CDK14: variants seen among roughly 807,000 people sequenced by gnomAD.
The protein encoded by CDK14 is cyclin-dependent kinase 14.
CDK14 carries 34 observed loss-of-function variants against 60.7 expected under a neutral mutation model. The observed-to-expected ratio is 0.56, with a 90% CI of 0.43 to 0.75. The LOEUF (loss-of-function observed/expected upper bound fraction) is 0.75. Ranked by LOEUF, CDK14 falls within the 30% of genes least tolerant of loss-of-function variation. CDK14 has a pLI of 0.00. For synonymous variants in CDK14, 197 were observed against 203.7 expected, an observed-to-expected ratio of 0.97 and a Z score of 0.28; for missense variants, 482 against 564.1, an observed-to-expected ratio of 0.85 and a Z score of 1.47.
chr7:90,687,285 C>T (rs1801457423), intron 2 of CDK14, among the ~76,000 whole-genome samples: 1 of 152,010 alleles, frequency 6.6e-6, no homozygotes. Context: ...TCATCCTCAA[C>T]ATGAGTCTAT....
intron 10 of CDK14, among the ~76,000 whole-genome samples, chr7:90,990,935 G>C (rs1354156390): frequency 6.6e-6 from 1 of 152,162 alleles, no homozygotes; most frequent in African/African-American, 2.4e-5. Flanking sequence ...GACTATGGTG[G>C]TAAACCAACA....
At chr7:91,118,250 T>G in intron 14 of CDK14, 42 bp downstream of exon 14, 7 of 894,804 alleles carry the variant, frequency 7.8e-6, no homozygotes, top group Non-Finnish European at 1.3e-5. Flanking sequence ...ATTTAATGGA[T>G]ATTGAACGGA....
intron 2 of CDK14, among the ~76,000 whole-genome samples, chr7:90,612,329 C>T (rs905817391): frequency 6.6e-6 from 1 of 152,132 alleles, no homozygotes; most frequent in Non-Finnish European, 1.5e-5. Context: ...ATTCATGCAT[C>T]AAATGACGTT....
intron 11 of CDK14, among the ~76,000 whole-genome samples, chr7:91,066,593 G>A (rs905677179): frequency 6.6e-6 from 1 of 152,126 alleles, no homozygotes; most frequent in African/African-American, 2.4e-5. Context: ...ATATGCAAAT[G>A]AGTAAAATCC....
At chr7:91,112,271 G>A (rs1233220856) in intron 12 of CDK14, among the ~76,000 whole-genome samples, 1 of 151,770 alleles carries the variant, frequency 6.6e-6, no homozygotes, top group Non-Finnish European at 1.5e-5. Context: ...TCTACCTCTG[G>A]ACCTAGTTTT....
intron 2 of CDK14, among the ~76,000 whole-genome samples, chr7:90,691,905 A>G (rs562229707): frequency 1.2e-3 from 188 of 152,308 alleles, no homozygotes; most frequent in African/African-American, 4.3e-3. Flanking sequence ...TGTAATTACC[A>G]TAAGTGAGGT....
rs150495362 is a variant in CDK14, at chr7:90,721,388, A to G, written c.124-5179A>G. Among the ~76,000 whole-genome samples, 179 of 152,322 alleles carry G rather than the reference A, an allele frequency of 1.2e-3. 1 individual carries two copies. Among genetic ancestry groups the G allele is most frequent in the African/African-American group, 4.1e-3 (172 of 41,584 alleles). Reference sequence around the variant, plus strand: ...ATAGTAACTTTTCTCTTTTGAAATCATAATGAACTCATGGTCTTTCAGCAA... The same window carrying G: ...ATAGTAACTTTTCTCTTTTGAAATCGTAATGAACTCATGGTCTTTCAGCAA... On this transcript the variant is annotated intron_variant, in intron 2 of 14. Coordinates refer to ENST00000380050, the MANE Select transcript of CDK14 (RefSeq NM_001287135.2).
chr7:90,780,198 G>T (rs1198780568), intron 4 of CDK14, among the ~76,000 whole-genome samples: 1 of 152,040 alleles, frequency 6.6e-6, no homozygotes, highest in Non-Finnish European at 1.5e-5. Flanking sequence ...TTTGTTACAT[G>T]CAGTGCATCT....
At chr7:90,975,467 A>C (rs1413526459) in intron 9 of CDK14, among the ~76,000 whole-genome samples, 1 of 151,662 alleles carries the variant, frequency 6.6e-6, no homozygotes, top group African/African-American at 2.4e-5. Context: ...AACATTTATC[A>C]TTTCTTTGTG....
chr7:91,019,033 G>A (rs549784444), intron 10 of CDK14, among the ~76,000 whole-genome samples: 1 of 152,024 alleles, frequency 6.6e-6, no homozygotes, highest in Admixed American at 6.5e-5. Flanking sequence ...AATTCTGGGG[G>A]GACATAAACA....
intron 14 of CDK14, among the ~76,000 whole-genome samples, chr7:91,172,684 T>A (rs139570060): frequency 6.6e-6 from 1 of 152,170 alleles, no homozygotes; most frequent in Non-Finnish European, 1.5e-5. Flanking sequence ...TTGCTTGGGG[T>A]ACAGAACATG....
intron 14 of CDK14, among the ~76,000 whole-genome samples, chr7:91,145,866 A>G (rs1477329639): frequency 6.6e-6 from 1 of 152,152 alleles, no homozygotes; most frequent in Non-Finnish European, 1.5e-5. Flanking sequence ...AGTCTTTCCT[A>G]TCCTGTGTCC....
intron 9 of CDK14, among the ~76,000 whole-genome samples, 200 bp from the exon 10 acceptor site, chr7:90,983,948 T>G (rs1185117409): frequency 1.3e-5 from 2 of 152,156 alleles, no homozygotes; most frequent in Non-Finnish European, 2.9e-5. Context: ...CATTCATACC[T>G]GAGACCTCAG....
chr7:90,978,275 G>A (rs1448801367), intron 9 of CDK14, among the ~76,000 whole-genome samples: 1 of 152,098 alleles, frequency 6.6e-6, no homozygotes, highest in African/African-American at 2.4e-5. Flanking sequence ...AGCATGCGGA[G>A]GCTTCACTGC....
chr7:91,186,745 T>G (rs1420563360), intron 14 of CDK14, among the ~76,000 whole-genome samples: 1 of 152,180 alleles, frequency 6.6e-6, no homozygotes, highest in African/African-American at 2.4e-5. Flanking sequence ...TTTGGTTTTG[T>G]TTTTTTGTTT....
At chr7:90,926,161 C>T (rs1793409261) in intron 8 of CDK14, among the ~76,000 whole-genome samples, 1 of 151,984 alleles carries the variant, frequency 6.6e-6, no homozygotes, top group Admixed American at 6.6e-5. Context: ...TGGCTAGTTC[C>T]CCAAACATGT....
chr7:91,087,900 G>A (rs924774338), intron 12 of CDK14, among the ~76,000 whole-genome samples: 3 of 151,954 alleles, frequency 2.0e-5, no homozygotes, highest in South Asian at 4.2e-4. Context: ...AACAAATAGC[G>A]TTGTACATAA....
chr7:91,176,571 TAAAG>T (rs1488759183), intron 14 of CDK14, among the ~76,000 whole-genome samples: 20 of 150,740 alleles, frequency 1.3e-4, no homozygotes, highest in Non-Finnish European at 8.9e-5. Flanking sequence ...GCAAGACTAA[TAAAG>T]AAAAAAAGAG....
chr7:90,682,010 A>G (rs959205694), intron 2 of CDK14, among the ~76,000 whole-genome samples: 4 of 152,130 alleles, frequency 2.6e-5, no homozygotes, highest in Admixed American at 6.5e-5. Context: ...TGCTTTGTCC[A>G]TTTACTAGTG....
Sources: allele counts gnomAD v4.1 joint callset (sites outside exome capture counted in the v4.1 genomes callset), GRCh38; gene constraint gnomAD v4.1.1; transcripts MANE v1.5; gene names NCBI Gene and HGNC (gene_info 2026-07-23, HGNC 2026-07-21).